The following IMPG1 variants were observed in gnomAD, a reference collection of about 807,000 sequenced individuals.
The protein encoded by IMPG1 is interphotoreceptor matrix proteoglycan of 150 kDa.
A neutral mutation model predicts 92.0 loss-of-function variants in IMPG1; 85 were observed. The observed-to-expected ratio is 0.92, with a 90% CI of 0.78 to 1.11. The LOEUF (loss-of-function observed/expected upper bound fraction) is 1.11. Among genes scored for constraint, IMPG1 ranks in the 50% least tolerant of loss-of-function variants. The pLI is 0.00. For synonymous variants in IMPG1, 367 were observed against 334.1 expected (o/e 1.10, Z -1.08); for missense variants, 1,022 against 956.0 (o/e 1.07, Z -0.91).
At chr6:76,047,378 T>C (rs150751895) in intron 1 of IMPG1, among the ~76,000 whole-genome samples, 28 of 152,338 alleles carry the variant, frequency 1.8e-4, no homozygotes, top group African/African-American at 6.3e-4. Context: ...CTCCTGTTCC[T>C]CCAGGGTGGT....
intron 12 of IMPG1, among the ~76,000 whole-genome samples, chr6:75,992,824 T>C (rs1782836099): frequency 6.6e-6 from 1 of 152,206 alleles, no homozygotes; most frequent in Non-Finnish European, 1.5e-5. Context: ...GTCATCTCCT[T>C]TCTCTTCACG....
intron 2 of IMPG1, among the ~76,000 whole-genome samples, chr6:76,037,588 A>G (rs961459007): frequency 2.6e-5 from 4 of 152,208 alleles, no homozygotes; most frequent in African/African-American, 9.6e-5. Flanking sequence ...CAAGAAGGAA[A>G]CAACACTTGG....
chr6:75,956,251 T>C (rs1381883335), intron 12 of IMPG1, among the ~76,000 whole-genome samples: 1 of 152,250 alleles, frequency 6.6e-6, no homozygotes, highest in Non-Finnish European at 1.5e-5. Flanking sequence ...TGGTAGGTTA[T>C]TAATTACTGC....
chr6:76,059,095 C>A (rs1784164542), intron 1 of IMPG1, among the ~76,000 whole-genome samples: 1 of 151,954 alleles, frequency 6.6e-6, no homozygotes, highest in South Asian at 2.1e-4. Context: ...AGAAAGAAGG[C>A]AGGGAAATTA....
At chr6:75,952,365 C>T (rs376974024) in intron 12 of IMPG1, among the ~76,000 whole-genome samples, 52 of 152,230 alleles carry the variant, frequency 3.4e-4, no homozygotes, top group African/African-American at 1.0e-3. Flanking sequence ...TAATTTACTA[C>T]GGTGAAATTA....
Position 76,003,920 on chromosome 6 carries a change from G to T in IMPG1, c.1166C>A (p.Pro389His). Residue 389 changes from proline to histidine, a missense_variant, in exon 11 of 17, where the codon CCT (proline) becomes CAT (histidine). Transcript: ENST00000369950. ...EIAGSLPAFG[P>H]DTQSELPTSF... ...TGTGGGCAGCTCTGATTGGGTGTCAGGACCAAAGGCTGGCAGTGATCCAGC... is the reference window on the plus strand; with the variant it reads ...TGTGGGCAGCTCTGATTGGGTGTCATGACCAAAGGCTGGCAGTGATCCAGC... 1 of 1,613,226 alleles carries T rather than the reference G, an allele frequency of 6.2e-7. No homozygotes were observed. Among genetic ancestry groups the T allele is most frequent in the Middle Eastern group, 1.7e-4 (1 of 6,056 alleles).
intron 12 of IMPG1, among the ~76,000 whole-genome samples, chr6:75,985,625 A>G (rs1782703654): frequency 6.6e-6 from 1 of 152,070 alleles, no homozygotes; most frequent in Non-Finnish European, 1.5e-5. Context: ...CCTCATAAAT[A>G]CTCTGTATCT....
chr6:76,028,373 T>C (rs1582115491), intron 4 of IMPG1, among the ~76,000 whole-genome samples: 2 of 152,248 alleles, frequency 1.3e-5, no homozygotes, highest in East Asian at 3.8e-4. Flanking sequence ...TGTACAGGAC[T>C]CATGAGGAGC....
At chr6:75,947,238 C>A in intron 14 of IMPG1, 76 bp downstream of exon 14, 1 of 1,146,920 alleles carries the variant, frequency 8.7e-7, no homozygotes, top group Non-Finnish European at 1.3e-6. Flanking sequence ...AAGATTGAAA[C>A]GTGTGCTTAA....
rs754635718 is a variant in IMPG1, at chr6:76,034,342, C to A, written c.470G>T (p.Arg157Ile). ...SQEHLDLLQQRIKQRSFPDRK... is the reference protein window; with the variant it reads ...SQEHLDLLQQIIKQRSFPDRK... ...GTCAGGGAAACTTCTCTGTTTTATT[C>A]TCTGCAAAAAGATAAAGATAAAATG... The change falls in exon 4 of 17, where the codon AGA (arginine) becomes ATA (isoleucine). Residue 157 changes from arginine (R) to isoleucine (I), a missense_variant and splice_region_variant. Transcript: ENST00000369950. 3 of 1,612,604 alleles carry A rather than the reference C, an allele frequency of 1.9e-6. No individual in the cohort carries two copies. Among genetic ancestry groups the A allele is most frequent in the Non-Finnish European group, 2.5e-6 (3 of 1,178,848 alleles).
chr6:76,058,085 G>C (rs1341524036), intron 1 of IMPG1, among the ~76,000 whole-genome samples: 1 of 151,844 alleles, frequency 6.6e-6, no homozygotes, highest in African/African-American at 2.4e-5. Flanking sequence ...AGCATATTTT[G>C]GACATTAACC....
chr6:76,034,349 A>T lies in IMPG1; in HGVS notation c.469-6T>A. On this transcript the variant is annotated splice_polypyrimidine_tract_variant and splice_region_variant and intron_variant, in intron 3 of 16. Coordinates refer to ENST00000369950, the MANE Select transcript of IMPG1 (RefSeq NM_001563.4). ...AAACTTCTCTGTTTTATTCTCTGCA[A>T]AAAGATAAAGATAAAATGTAATTTT... is the stretch of plus-strand genomic sequence containing the variant. 6.2e-7 allele frequency: 1 copy of T among 1,612,292 alleles called. No individual in the cohort carries two copies. The highest frequency in any genetic ancestry group is 8.5e-7 in the Non-Finnish European group (1 of 1,178,342).
intron 12 of IMPG1, among the ~76,000 whole-genome samples, chr6:75,959,303 G>A (rs1562348575): frequency 1.3e-5 from 2 of 152,042 alleles, no homozygotes; most frequent in African/African-American, 2.4e-5. Flanking sequence ...GGTGTCTGTC[G>A]ACCCCTGCTG....
chr6:76,015,324 G>A (rs1331030716), intron 7 of IMPG1, among the ~76,000 whole-genome samples: 1 of 152,182 alleles, frequency 6.6e-6, no homozygotes, highest in African/African-American at 2.4e-5. Context: ...GCTGTGAGGT[G>A]GTTGGGGCCC....
At chr6:75,988,584 G>A (rs1389812000) in intron 12 of IMPG1, among the ~76,000 whole-genome samples, 1 of 152,176 alleles carries the variant, frequency 6.6e-6, no homozygotes. Flanking sequence ...GCCCCTTGGA[G>A]CAATGTGGAA....
At chr6:75,987,256 C>T (rs1219708276) in intron 12 of IMPG1, among the ~76,000 whole-genome samples, 1 of 151,520 alleles carries the variant, frequency 6.6e-6, no homozygotes, top group African/African-American at 2.4e-5. Context: ...CTGTCATTGC[C>T]CAGGAAGATG....
chr6:76,046,781 C>T (rs950990767), intron 1 of IMPG1, among the ~76,000 whole-genome samples: 65 of 152,098 alleles, frequency 4.3e-4, no homozygotes, highest in African/African-American at 2.4e-4. Flanking sequence ...ACAGTGTAAA[C>T]GCTCAATAAG....
At chr6:75,969,847 A>C (rs192970733) in intron 12 of IMPG1, among the ~76,000 whole-genome samples, 1 of 152,308 alleles carries the variant, frequency 6.6e-6, no homozygotes, top group East Asian at 1.9e-4. Context: ...AGGCAGAACC[A>C]CTATAGAAGA....
intron 14 of IMPG1, among the ~76,000 whole-genome samples, chr6:75,943,479 A>C (rs557241292): frequency 3.3e-5 from 5 of 152,208 alleles, no homozygotes; most frequent in African/African-American, 1.2e-4. Flanking sequence ...ATTTCTGCAC[A>C]TGCTGGCTCC....
Sources: gnomAD v4.1 joint callset for allele counts (sites outside exome capture counted in the v4.1 genomes callset) on GRCh38, gnomAD v4.1.1 for gene constraint, MANE v1.5 for transcripts, NCBI Gene and HGNC (gene_info 2026-07-23, HGNC 2026-07-21) for gene names.